The following NME9 variants were observed in gnomAD, a reference collection of about 807,000 sequenced individuals.
The protein encoded by NME9 is NME/NM23 family member 9.
A neutral mutation model predicts 44.4 loss-of-function variants in NME9; 48 were observed. The observed-to-expected ratio is 1.08, with a 90% CI of 0.86 to 1.37. The LOEUF (loss-of-function observed/expected upper bound fraction) is 1.37. Among genes scored for constraint, NME9 ranks in the 40% most tolerant of loss-of-function variants. NME9 has a pLI of 0.00. For missense variants in NME9, 325 were observed against 405.2 expected, an observed-to-expected ratio of 0.80 and a Z score of 1.70; for synonymous variants, 139 against 147.1, an observed-to-expected ratio of 0.94 and a Z score of 0.40.
intron 8 of NME9, among the ~76,000 whole-genome samples, chr3:138,290,807 A>G (rs962494696): frequency 1.3e-5 from 2 of 152,246 alleles, no homozygotes; most frequent in African/African-American, 4.8e-5. Flanking sequence ...TGAGCTGTAA[A>G]CTAATAATTA....
intron 2 of NME9, among the ~76,000 whole-genome samples, chr3:138,322,210 A>C (rs1181905631): frequency 6.6e-6 from 1 of 152,138 alleles, no homozygotes; most frequent in Non-Finnish European, 1.5e-5. Context: ...TAAATCCCAA[A>C]GGAAAAAAGC....
chr3:138,318,279 T>C (rs1560122676), intron 3 of NME9, 60 bp from the exon 4 acceptor site: 3 of 1,120,786 alleles, frequency 2.7e-6, no homozygotes, highest in African/African-American at 3.1e-5. Flanking sequence ...CCCAATTGAT[T>C]GGTGGGAAAC....
chr3:138,325,490 G>C (rs1310403003), intron 1 of NME9, among the ~76,000 whole-genome samples: 1 of 150,056 alleles, frequency 6.7e-6, no homozygotes, highest in Non-Finnish European at 1.5e-5. Context: ...TGCAACCTCT[G>C]CTCTGCCTCC....
intron 8 of NME9, among the ~76,000 whole-genome samples, chr3:138,277,976 G>A (rs1031658301): frequency 2.6e-5 from 4 of 152,256 alleles, no homozygotes; most frequent in East Asian, 1.9e-4. Flanking sequence ...AATGCATTAC[G>A]CTACATGAAA....
At chr3:138,310,454 A>G (rs1262694092) in intron 6 of NME9, among the ~76,000 whole-genome samples, 3 of 151,876 alleles carry the variant, frequency 2.0e-5, no homozygotes, top group Admixed American at 6.6e-5. Flanking sequence ...CCCAACTGCT[A>G]CAGAAAAGAC....
At chr3:138,273,769 T>C (rs998049052) in intron 8 of NME9, among the ~76,000 whole-genome samples, 3 of 152,120 alleles carry the variant, frequency 2.0e-5, no homozygotes, top group Non-Finnish European at 1.5e-5. Flanking sequence ...ACACTGTGTT[T>C]TCCATGTCTC....
At position 138,318,143 on chromosome 3, in the gene NME9, C is replaced by G. The variant is rs1480980603; in HGVS notation, c.267+5G>C. 3 of 1,566,020 alleles carry G rather than the reference C, an allele frequency of 1.9e-6. No homozygotes were observed. Among genetic ancestry groups the G allele is most frequent in the African/African-American group, 2.7e-5 (2 of 74,020 alleles). ...AAATAGTTCTGATTCTGAAAATGTA[C>G]TTACTGCATAAAACAGAAAGGTTGG... On this transcript the variant is annotated splice_donor_5th_base_variant and intron_variant, in intron 4 of 10. Coordinates refer to ENST00000333911, the MANE Select transcript of NME9 (RefSeq NM_001349018.2).
chr3:138,272,181 G>A (rs573399749), intron 8 of NME9, among the ~76,000 whole-genome samples: 10 of 152,296 alleles, frequency 6.6e-5, no homozygotes, highest in African/African-American at 2.4e-4. Context: ...ATACAGCCCA[G>A]CCATGCCAAC....
At chr3:138,293,328 T>G (rs1261802747) in intron 8 of NME9, among the ~76,000 whole-genome samples, 3 of 151,998 alleles carry the variant, frequency 2.0e-5, no homozygotes, top group African/African-American at 7.2e-5. Flanking sequence ...GATTATGAGG[T>G]CAGGAGTTCG....
At chr3:138,267,163 A>C in intron 8 of NME9, 1 of 1,559,912 alleles carries the variant, frequency 6.4e-7, no homozygotes, top group Non-Finnish European at 8.7e-7. Context: ...AGGTTTTACA[A>C]AATGCACCAG....
In NME9 at chr3:138,324,693, T is replaced by TACACACACAC. The variant is rs55961241; in HGVS notation, c.91+170_91+179dup. ...TGAATTTACTGATATTCAAGCCAGA[T>TACACACACAC]ACACACACACACACACACACACACA... On this transcript the variant is annotated intron_variant, in intron 2 of 10. Transcript: ENST00000333911. 4.1e-5 allele frequency: 22 copies of TACACACACAC among 534,614 alleles called. No homozygotes were observed. The African/African-American group carries it at 4.2e-4, about 10-fold the overall frequency. 33.1% of individuals were successfully genotyped at this position (534,614 alleles called of 1,614,324 possible). A position where few individuals can be genotyped will look rare whatever the true frequency, so the allele number is the denominator to read the frequency against.
chr3:138,289,967 G>A (rs188194932), intron 8 of NME9, among the ~76,000 whole-genome samples: 19 of 152,234 alleles, frequency 1.2e-4, no homozygotes, highest in Non-Finnish European at 2.1e-4. Context: ...ACTGGATTCC[G>A]CCCACAGACC....
At chr3:138,312,651 A>G (rs2052780132) in intron 6 of NME9, among the ~76,000 whole-genome samples, 1 of 152,242 alleles carries the variant, frequency 6.6e-6, no homozygotes, top group South Asian at 2.1e-4. Flanking sequence ...CTATGAAACT[A>G]TCAAAAGACA....
At chr3:138,284,271 G>A (rs1416066070) in intron 8 of NME9, among the ~76,000 whole-genome samples, 1 of 152,206 alleles carries the variant, frequency 6.6e-6, no homozygotes, top group Non-Finnish European at 1.5e-5. Flanking sequence ...TGTGGTTACT[G>A]TTACTAGCAA....
intron 8 of NME9, among the ~76,000 whole-genome samples, chr3:138,291,298 T>G (rs935212891): frequency 6.6e-6 from 1 of 152,204 alleles, no homozygotes; most frequent in African/African-American, 2.4e-5. Context: ...GCTCTGCCTT[T>G]CTCATCTTCT....
chr3:138,279,207 T>G (rs977137012), intron 8 of NME9, among the ~76,000 whole-genome samples: 2 of 152,214 alleles, frequency 1.3e-5, no homozygotes, highest in Non-Finnish European at 2.9e-5. Context: ...TTGTTGAGTT[T>G]TTACCATAAA....
downstream of NME9, chr3:138,296,761 A>G (rs1054492610): frequency 3.9e-5 from 6 of 152,240 alleles, no homozygotes; most frequent in African/African-American, 1.4e-4. Context: ...TGAAGCATCA[A>G]AGGGAAATAT....
chr3:138,289,935 A>G (rs1211028183), intron 8 of NME9, among the ~76,000 whole-genome samples: 1 of 152,198 alleles, frequency 6.6e-6, no homozygotes, highest in Non-Finnish European at 1.5e-5. Context: ...AGCAGCGCCC[A>G]AAACAAAGTG....
intron 8 of NME9, among the ~76,000 whole-genome samples, chr3:138,285,159 A>G (rs966260968): frequency 1.3e-5 from 2 of 152,162 alleles, no homozygotes; most frequent in African/African-American, 4.8e-5. Context: ...AGCTCCTCCT[A>G]GTGTCCTTCA....
Sources: allele counts gnomAD v4.1 joint callset (sites outside exome capture counted in the v4.1 genomes callset), GRCh38; gene constraint gnomAD v4.1.1; transcripts MANE v1.5; gene names NCBI Gene and HGNC (gene_info 2026-07-23, HGNC 2026-07-21).